Variants in VSTM2B observed in about 807,000 individuals in gnomAD.
VSTM2B encodes V-set and transmembrane domain containing 2B.
A neutral mutation model predicts 24.0 loss-of-function variants in VSTM2B; 24 were observed. That is an observed-to-expected ratio of 1.00 (90% CI 0.72 to 1.40). VSTM2B has a LOEUF of 1.40. Among genes scored for constraint, VSTM2B ranks in the 40% most tolerant of loss-of-function variants. VSTM2B has a pLI of 0.00. For missense variants in VSTM2B, 399 were observed against 416.4 expected (o/e 0.96, Z 0.36); for synonymous variants, 226 against 194.4 (o/e 1.16, Z -1.35).
At chr19:29,552,394 A>G (rs1428046217) in intron 4 of VSTM2B, among the ~76,000 whole-genome samples, 1 of 152,234 alleles carries the variant, frequency 6.6e-6, no homozygotes, top group Non-Finnish European at 1.5e-5. Flanking sequence ...TCTCACTGGT[A>G]CTGACGTCGT....
In VSTM2B at chr19:29,526,688, C is replaced by G. The variant is rs747460225; in HGVS notation, c.82+23C>G. 7.4e-5 allele frequency: 112 copies of G among 1,522,414 alleles called. No homozygotes were observed. Among genetic ancestry groups the G allele is most frequent in the Non-Finnish European group, 9.0e-5 (103 of 1,139,018 alleles). 94.3% of individuals were successfully genotyped at this position (1,522,414 alleles called of 1,614,324 possible). A position where few individuals can be genotyped will look rare whatever the true frequency, so the allele number is the denominator to read the frequency against. ...ACGGTGAGCGCGGGAACTTTGCTGC[C>G]GCTGTGGACTCGGGGGGGTCTTTGC... On this transcript the variant is annotated intron_variant, in intron 1 of 4. Transcript: ENST00000335523. The surrounding 1 kb of genome is among the most constrained non-coding windows in gnomAD (Gnocchi z 4.1).
At chr19:29,556,402 T>C (rs1477475073) in intron 4 of VSTM2B, among the ~76,000 whole-genome samples, 1 of 152,190 alleles carries the variant, frequency 6.6e-6, no homozygotes, top group African/African-American at 2.4e-5. Flanking sequence ...ATGAAAGCCG[T>C]TTATGACAAA....
Position 29,526,617 on chromosome 19 carries a change from T to A in VSTM2B, c.34T>A (p.Tyr12Asn). 3 of 1,529,634 alleles carry A rather than the reference T, an allele frequency of 2.0e-6. No homozygotes were observed. The highest frequency in any genetic ancestry group is 2.6e-6 in the Non-Finnish European group (3 of 1,143,472). 94.8% of individuals were successfully genotyped at this position (1,529,634 alleles called of 1,614,324 possible). ...GCGGAACCGGCTCGGTGCCCTCGGA[T>A]ACCTGCCGCCTCTGCTGCTGCATGC... ...EQRNRLGALG[Y>N]LPPLLLHALL... Residue 12 changes from tyrosine to asparagine, a missense_variant, in exon 1 of 5, where the codon TAC becomes AAC. Transcript: ENST00000335523. This position sits in a 1 kb window ranked among gnomAD's most constrained non-coding sequence, Gnocchi z 4.1.
chr19:29,534,363 C>T (rs1302369769), intron 4 of VSTM2B, among the ~76,000 whole-genome samples: 1 of 152,232 alleles, frequency 6.6e-6, no homozygotes, highest in Non-Finnish European at 1.5e-5. Context: ...CTGTAGAGGT[C>T]AGCCCTCAGG....
intron 4 of VSTM2B, among the ~76,000 whole-genome samples, chr19:29,561,748 C>T (rs1970531574): frequency 6.6e-6 from 1 of 152,228 alleles, no homozygotes; most frequent in Non-Finnish European, 1.5e-5. Context: ...ACTTTCCACA[C>T]ACCCGAGCCT....
intron 4 of VSTM2B, among the ~76,000 whole-genome samples, chr19:29,535,958 G>T (rs1228882306): frequency 2.0e-5 from 3 of 152,182 alleles, no homozygotes; most frequent in Non-Finnish European, 4.4e-5. Flanking sequence ...AACAAATCTG[G>T]CAAGGGATGT....
intron 4 of VSTM2B, among the ~76,000 whole-genome samples, chr19:29,545,083 C>T (rs1198896045): frequency 6.6e-6 from 1 of 152,070 alleles, no homozygotes; most frequent in Admixed American, 6.5e-5. Flanking sequence ...ACAAAGGGAG[C>T]CTCCAGACTG....
intron 4 of VSTM2B, among the ~76,000 whole-genome samples, chr19:29,543,921 A>C (rs927694814): frequency 1.3e-5 from 2 of 152,060 alleles, no homozygotes; most frequent in African/African-American, 4.8e-5. Context: ...GCTCTTAGAG[A>C]GCCTAGTGTG....
chr19:29,553,999 T>A (rs753964902), intron 4 of VSTM2B, among the ~76,000 whole-genome samples: 4 of 152,104 alleles, frequency 2.6e-5, no homozygotes, highest in Non-Finnish European at 5.9e-5. Flanking sequence ...GAAAACACAC[T>A]TCACAATATC....
chr19:29,537,009 TA>T (rs1355052238), intron 4 of VSTM2B, among the ~76,000 whole-genome samples: 3 of 152,144 alleles, frequency 2.0e-5, no homozygotes, highest in Non-Finnish European at 4.4e-5. Context: ...AGGAGAAAAA[TA>T]AAAGCATTAT....
intron 3 of VSTM2B, among the ~76,000 whole-genome samples, chr19:29,529,360 G>C (rs1258346796): frequency 6.6e-6 from 1 of 151,992 alleles, no homozygotes; most frequent in Non-Finnish European, 1.5e-5. Flanking sequence ...TCCGTGCTCC[G>C]GGAGGTGAGG....
At position 29,530,180 on chromosome 19, in the gene VSTM2B, CA is replaced by C. The variant is rs1358404529; in HGVS notation, c.660del (p.Ala221ProfsTer53). ...AIDPAVPEAA[A>X]ASAAHTPTTT... ...GATCCCGCAGTCCCCGAGGCCGCGG[CA>C]GCCTCGGCGGCCCACACGCCCACCA... On this transcript the variant is annotated frameshift_variant, in exon 4 of 5. Coordinates refer to ENST00000335523, the MANE Select transcript of VSTM2B (RefSeq NM_001146339.2). LOFTEE classifies it high-confidence loss of function. 3.4e-6 allele frequency: 5 copies of C among 1,489,184 alleles called. No homozygotes were observed. The African/African-American group carries it at 7.3e-5, about 22-fold the overall frequency. The allele number at this position is 1,489,184 out of a possible 1,614,324, so 92.2% of individuals were successfully genotyped here.
intron 4 of VSTM2B, among the ~76,000 whole-genome samples, chr19:29,535,851 C>T (rs1969876735): frequency 6.6e-6 from 1 of 152,116 alleles, no homozygotes; most frequent in African/African-American, 2.4e-5. Flanking sequence ...TTTCCCATCT[C>T]CCCGGACCCA....
At chr19:29,533,959 AG>A in intron 4 of VSTM2B, among the ~76,000 whole-genome samples, 1 of 152,188 alleles carries the variant, frequency 6.6e-6, no homozygotes, top group Non-Finnish European at 1.5e-5. Flanking sequence ...CTTGATGGGG[AG>A]GGGTCCAGAA....
rs1047785210 is a variant in VSTM2B at position 29,527,246 on chromosome 19, C to T, written c.118C>T (p.Arg40Trp). ...FTEVPKDVTV[R>W]EGDDIEMPCA... Reference sequence around the variant, plus strand: ...AGAAGTCCCCAAAGATGTGACAGTACGGGAGGGAGACGACATCGAAATGCC... The same window carrying T: ...AGAAGTCCCCAAAGATGTGACAGTATGGGAGGGAGACGACATCGAAATGCC... Residue 40 changes from arginine (R) to tryptophan (W), a missense_variant, in exon 2 of 5, where the codon CGG (arginine) becomes TGG (tryptophan). Coordinates refer to ENST00000335523, the MANE Select transcript of VSTM2B (RefSeq NM_001146339.2). 1.5e-5 allele frequency: 23 copies of T among 1,549,800 alleles called. No homozygotes were observed. The highest frequency in any genetic ancestry group is 1.7e-5 in the Non-Finnish European group (19 of 1,146,586).
intron 4 of VSTM2B, among the ~76,000 whole-genome samples, chr19:29,549,893 G>T (rs1970239296): frequency 6.6e-6 from 1 of 152,100 alleles, no homozygotes. Context: ...AGGTGATGGG[G>T]AATTGGGAAG....
At chr19:29,550,959 A>G (rs1970269509) in intron 4 of VSTM2B, among the ~76,000 whole-genome samples, 1 of 152,218 alleles carries the variant, frequency 6.6e-6, no homozygotes. Context: ...AGAGGGCTGC[A>G]GCTCTCTTCT....
chr19:29,552,903 G>A (rs572005798), intron 4 of VSTM2B, among the ~76,000 whole-genome samples: 38 of 152,134 alleles, frequency 2.5e-4, no homozygotes, highest in Non-Finnish European at 1.8e-4. Flanking sequence ...TCACCTGGTG[G>A]GGCCTCCCTG....
chr19:29,564,167 A>G lies in VSTM2B; in HGVS notation c.*233A>G. ...GGCCCATGCAGTCTGCATGGGAATC[A>G]ATGATTTCTCTACTTCAATGTAGTT... On this transcript the variant is annotated 3_prime_UTR_variant, in exon 5 of 5. Transcript: ENST00000335523. The G allele has an allele frequency of 2.2e-6, 1 of 456,440 alleles. No individual in the cohort carries two copies. 28.3% of individuals were successfully genotyped at this position (456,440 alleles called of 1,614,324 possible).
Sources: allele counts gnomAD v4.1 joint callset (sites outside exome capture counted in the v4.1 genomes callset), GRCh38; gene constraint gnomAD v4.1.1; non-coding constraint Gnocchi (gnomAD v3.1); transcripts MANE v1.5; gene names NCBI Gene and HGNC (gene_info 2026-07-23, HGNC 2026-07-21).